The following KIFC3 variants were observed in gnomAD, a reference collection of about 807,000 sequenced individuals.
KIFC3 encodes the protein kinesin family member C3, also known as kinesin-like protein KIFC3.
In KIFC3, 60 loss-of-function variants were observed where a neutral mutation model predicts 101.8. The observed-to-expected ratio is 0.59, with a 90% CI of 0.48 to 0.73. The LOEUF is 0.73. KIFC3 is among the 30% of genes least tolerant of loss of function. The probability of loss-of-function intolerance (pLI) is 0.00; values close to 1 mark genes in which losing one functional copy is unlikely to be tolerated. For missense variants in KIFC3, 966 were observed against 1,137.1 expected, an observed-to-expected ratio of 0.85 and a Z score of 2.16; for synonymous variants, 476 against 482.7, an observed-to-expected ratio of 0.99 and a Z score of 0.18.
intron 1 of KIFC3, among the ~76,000 whole-genome samples, chr16:57,840,342 A>G (rs1373339582): frequency 6.6e-6 from 1 of 152,050 alleles, no homozygotes; most frequent in Non-Finnish European, 1.5e-5. Context: ...TGTCTCGAAA[A>G]CAAACAAAAA....
intron 6 of KIFC3, among the ~76,000 whole-genome samples, chr16:57,770,979 G>A (rs1214953241): frequency 3.3e-5 from 5 of 152,244 alleles, no homozygotes; most frequent in African/African-American, 9.6e-5. Context: ...CAGGGGCTGC[G>A]CTGCATCTGT....
chr16:57,822,637 C>T (rs2055375391), intron 1 of KIFC3, among the ~76,000 whole-genome samples: 1 of 151,892 alleles, frequency 6.6e-6, no homozygotes, highest in South Asian at 2.1e-4. Flanking sequence ...GTGGAGGTTG[C>T]AGTGAGCCGA....
chr16:57,859,349 G>T (rs2056245126), intron 1 of KIFC3, among the ~76,000 whole-genome samples: 1 of 152,176 alleles, frequency 6.6e-6, no homozygotes, highest in African/African-American at 2.4e-5. Flanking sequence ...TATATTCTCA[G>T]CTTGAGTATT....
chr16:57,794,752 T>G (rs1391688306), intron 3 of KIFC3, among the ~76,000 whole-genome samples: 3 of 152,198 alleles, frequency 2.0e-5, no homozygotes, highest in African/African-American at 4.8e-5. Flanking sequence ...TAAGGCCCCA[T>G]GCTTCCCATT....
intron 1 of KIFC3, among the ~76,000 whole-genome samples, chr16:57,858,049 C>T (rs543415373): frequency 6.0e-4 from 91 of 152,162 alleles, no homozygotes; most frequent in Non-Finnish European, 1.2e-3. Context: ...ATCTCCTGAC[C>T]TTGTGATCCA....
intron 3 of KIFC3, chr16:57,785,751 C>T: frequency 2.5e-6 from 2 of 814,854 alleles, no homozygotes; most frequent in East Asian, 1.6e-4. Context: ...AGACAGACCA[C>T]CAGGGATGAT....
chr16:57,862,287 G>C (rs1340702137), intron 1 of KIFC3, among the ~76,000 whole-genome samples: 1 of 149,950 alleles, frequency 6.7e-6, no homozygotes, highest in African/African-American at 2.5e-5. Flanking sequence ...GCCTCTCAAA[G>C]TGCTGGGATT....
In KIFC3 at chr16:57,765,471, G is replaced by C; in HGVS notation, c.1500C>G (p.Ala500=). The C allele has an allele frequency of 1.3e-6, 2 of 1,581,880 alleles. No homozygotes were observed. The highest frequency in any genetic ancestry group is 1.7e-6 in the Non-Finnish European group (2 of 1,162,450). The change falls in exon 11 of 20, where the codon GCC becomes GCG. Residue 500 remains alanine (A), a synonymous_variant. Coordinates refer to ENST00000445690, the MANE Select transcript of KIFC3 (RefSeq NM_001130100.2). ...FELDKVFSPQ[A]SQQDVFQEVQ... ...GGGCCACACTCACGTCCTGCTGCGA[G>C]GCCTGTGGGGAGAAGACCTTGTCCA...
chr16:57,828,974 C>T (rs1333444296), intron 1 of KIFC3, among the ~76,000 whole-genome samples: 1 of 152,076 alleles, frequency 6.6e-6, no homozygotes, highest in Non-Finnish European at 1.5e-5. Context: ...AAACTGAGGC[C>T]CAAAAAGTCA....
intron 1 of KIFC3, among the ~76,000 whole-genome samples, chr16:57,824,439 T>C (rs1190755216): frequency 2.6e-5 from 4 of 152,148 alleles, no homozygotes; most frequent in Admixed American, 6.5e-5. Flanking sequence ...TCCCAGCACT[T>C]TGGGAGGCCA....
At chr16:57,803,084 AG>A, upstream of KIFC3, 1 of 1,507,046 alleles carries the variant, frequency 6.6e-7, no homozygotes. Flanking sequence ...GCCGCCTTCT[AG>A]CCACAGCACT....
exon 1 of KIFC3, chr16:57,862,770 C>T: frequency 7.8e-7 from 1 of 1,289,658 alleles, no homozygotes; most frequent in African/African-American, 1.5e-5. Flanking sequence ...CTGAGGGTTT[C>T]CTGGTGTCTG....
Position 57,761,165 on chromosome 16 carries a change from C to T in KIFC3, c.1879G>A (p.Glu627Lys). 1 of 1,613,860 alleles carries T rather than the reference C, an allele frequency of 6.2e-7. No individual in the cohort carries two copies. ...QSVDDINKVF[E>K]FGHTNRTTEF... Reference sequence around the variant, plus strand: ...GTCGTGCGATTAGTGTGGCCAAACTCAAACACCTGGGGGATTGGGAGGAGG... The same window carrying T: ...GTCGTGCGATTAGTGTGGCCAAACTTAAACACCTGGGGGATTGGGAGGAGG... The change falls in exon 15 of 20, where the codon GAG becomes AAG. Residue 627 changes from glutamate to lysine, a missense_variant. Glu to Lys is a moderately conservative substitution (Grantham distance 56). Transcript: ENST00000445690.
intron 3 of KIFC3, among the ~76,000 whole-genome samples, chr16:57,784,842 T>C (rs1216804758): frequency 6.6e-6 from 1 of 152,042 alleles, no homozygotes; most frequent in Non-Finnish European, 1.5e-5. Flanking sequence ...AGAGGGCCGG[T>C]GGTCAGCCCC....
At chr16:57,862,342 T>C (rs1959344807) in intron 1 of KIFC3, among the ~76,000 whole-genome samples, 1 of 152,036 alleles carries the variant, frequency 6.6e-6, no homozygotes, top group African/African-American at 2.4e-5. Flanking sequence ...ATCAAGCTAC[T>C]TAGAACATCG....
intron 1 of KIFC3, among the ~76,000 whole-genome samples, chr16:57,862,308 G>A (rs1266224445): frequency 6.6e-6 from 1 of 151,476 alleles, no homozygotes; most frequent in East Asian, 1.9e-4. Context: ...ATAGGTGTGA[G>A]CCACCTTGCC....
upstream of KIFC3, among the ~76,000 whole-genome samples, chr16:57,805,397 T>C (rs1443220510): frequency 2.0e-5 from 3 of 152,204 alleles, no homozygotes; most frequent in Non-Finnish European, 4.4e-5. Context: ...CCAACTCTCC[T>C]GGCCCCGGGA....
rs533208249 is a variant in KIFC3 at position 57,832,404 on chromosome 16, A to C, written c.108+30325T>G. On this transcript the variant is annotated intron_variant, in intron 1 of 2. Transcript: ENST00000563028. ...ATCAGCGCAATCTTGGCTCACTGCA[A>C]TCTCTACCTCCCAGGTTCAAGTGAT... 1.1e-4 allele frequency among the ~76,000 whole-genome samples: 15 copies of C among 142,248 alleles called. No homozygotes were observed. The East Asian group carries it at 2.7e-3, about 25-fold the overall frequency. 93.3% of individuals were successfully genotyped at this position (142,248 alleles called of 152,430 possible).
At chr16:57,801,087 C>T (rs1353459478) in intron 1 of KIFC3, among the ~76,000 whole-genome samples, 1 of 152,182 alleles carries the variant, frequency 6.6e-6, no homozygotes, top group East Asian at 1.9e-4. Context: ...CAAAGAGCTC[C>T]AAAATTTTAT....
Sources: allele counts gnomAD v4.1 joint callset (sites outside exome capture counted in the v4.1 genomes callset), GRCh38; gene constraint gnomAD v4.1.1; transcripts MANE v1.5; gene names NCBI Gene and HGNC (gene_info 2026-07-23, HGNC 2026-07-21).